ZNF91: variants seen among roughly 807,000 people sequenced by gnomAD.
The protein encoded by ZNF91 is zinc finger protein 91 (HPF7, HTF10).
ZNF91 carries 7 observed loss-of-function variants against 12.6 expected under a neutral mutation model. The observed-to-expected ratio is 0.55, with a 90% CI of 0.31 to 1.04. ZNF91 has a LOEUF of 1.04. Ranked by LOEUF, ZNF91 falls within the 50% of genes least tolerant of loss-of-function variation. The probability of loss-of-function intolerance (pLI) is 0.05; values close to 1 mark genes in which losing one functional copy is unlikely to be tolerated. For missense variants in ZNF91, 1,217 were observed against 1,385.4 expected (o/e 0.88, Z 1.93); for synonymous variants, 453 against 462.6 (o/e 0.98, Z 0.27).
At chr19:23,335,893 C>A (rs1477531658), downstream of ZNF91, among the ~76,000 whole-genome samples, 1 of 152,190 alleles carries the variant, frequency 6.6e-6, no homozygotes, top group Non-Finnish European at 1.5e-5. Context: ...CACCTGTCTT[C>A]TGCGTCACTC....
chr19:23,354,272 T>C (rs1968434398), downstream of ZNF91, among the ~76,000 whole-genome samples: 1 of 152,074 alleles, frequency 6.6e-6, no homozygotes, highest in Non-Finnish European at 1.5e-5. Context: ...TCCACCATGA[T>C]CAAGCTGATT....
chr19:23,306,603 T>C (rs915506041), intron 3 of ZNF91, among the ~76,000 whole-genome samples: 7 of 152,170 alleles, frequency 4.6e-5, no homozygotes, highest in Admixed American at 6.5e-5. Flanking sequence ...CATTGTGACA[T>C]GTTGCTTGGT....
chr19:23,317,816 A>C (rs1012991259), intron 1 of ZNF91, among the ~76,000 whole-genome samples: 2 of 152,214 alleles, frequency 1.3e-5, no homozygotes, highest in African/African-American at 4.8e-5. Flanking sequence ...GCACAGACCT[A>C]GTCCACCATT....
In ZNF91 at chr19:23,374,873, G is replaced by C. The variant is rs1207694350; in HGVS notation, c.31-109C>G. The C allele has an allele frequency of 2.6e-6, 4 of 1,509,982 alleles. No homozygotes were observed. In the African/African-American group the frequency reaches 5.6e-5, roughly 21 times the overall value. 93.5% of individuals were successfully genotyped at this position (1,509,982 alleles called of 1,614,324 possible). ...GACTAGAACTGGTTCTGACTTATAA[G>C]AGTGGCTGAAATTATCCAATAAAAT... On this transcript the variant is annotated intron_variant, in intron 1 of 3. Coordinates refer to ENST00000300619, the MANE Select transcript of ZNF91 (RefSeq NM_003430.4).
intron 1 of ZNF91, among the ~76,000 whole-genome samples, chr19:23,394,513 C>T (rs1233757437): frequency 2.6e-5 from 4 of 151,990 alleles, no homozygotes; most frequent in Non-Finnish European, 5.9e-5. Context: ...GGTGGATCAC[C>T]TAAGGTCAGG....
At chr19:23,330,450 G>A (rs149725811) in intron 1 of ZNF91, among the ~76,000 whole-genome samples, 21 of 152,284 alleles carry the variant, frequency 1.4e-4, no homozygotes, top group East Asian at 5.8e-4. Flanking sequence ...CACCAGAATC[G>A]GAGGTGAGCC....
At position 23,358,866 on chromosome 19, in the gene ZNF91, G is replaced by A. The variant is rs6511433; in HGVS notation, c.*537C>T. ...CGTTGGCACATCTTTCAGGTTTGTA[G>A]AGTTTCTCTCCAGTATGAATAATAT... On this transcript the variant is annotated 3_prime_UTR_variant, in exon 4 of 4. Transcript: ENST00000300619. The A allele has an allele frequency of 0.18, 31,263 of 173,902 alleles. 3,111 individuals carry two copies. The highest frequency in any genetic ancestry group is 0.21 in the African/African-American group (8,732 of 41,762). The allele number at this position is 173,902 out of a possible 1,614,324, so 10.8% of individuals were successfully genotyped here.
intron 1 of ZNF91, among the ~76,000 whole-genome samples, chr19:23,315,917 T>C (rs1473321505): frequency 6.6e-6 from 1 of 152,170 alleles, no homozygotes; most frequent in Non-Finnish European, 1.5e-5. Flanking sequence ...ATTGTGTGTA[T>C]CCCTGGATGC....
intron 1 of ZNF91, among the ~76,000 whole-genome samples, chr19:23,381,750 G>A (rs1969724075): frequency 6.6e-6 from 1 of 151,976 alleles, no homozygotes; most frequent in Non-Finnish European, 1.5e-5. Context: ...ATGAGCCACC[G>A]CGCCCAGCCA....
chr19:23,394,654 G>A (rs1366514221), intron 1 of ZNF91, among the ~76,000 whole-genome samples: 2 of 152,054 alleles, frequency 1.3e-5, no homozygotes, highest in Admixed American at 1.3e-4. Flanking sequence ...CTTGAACCCG[G>A]AAGGCAGAGG....
intron 1 of ZNF91, among the ~76,000 whole-genome samples, chr19:23,392,506 A>G (rs2145146113): frequency 6.6e-6 from 1 of 152,182 alleles, no homozygotes; most frequent in South Asian, 2.1e-4. Context: ...AAATACCAGG[A>G]TATAGAACCA....
intron 1 of ZNF91, chr19:23,385,230 G>A (rs1969836023): frequency 5.1e-6 from 3 of 585,738 alleles, no homozygotes; most frequent in Non-Finnish European, 9.3e-6. Flanking sequence ...TCCTCCCCCT[G>A]CAGCTTGATA....
intron 3 of ZNF91, among the ~76,000 whole-genome samples, chr19:23,345,433 A>G (rs1037549003): frequency 2.0e-5 from 3 of 152,138 alleles, no homozygotes; most frequent in African/African-American, 7.2e-5. Flanking sequence ...TGGACTTTAC[A>G]ATTTTAACTG....
chr19:23,384,624 C>A, intron 1 of ZNF91: 3 of 804,200 alleles, frequency 3.7e-6, no homozygotes, highest in South Asian at 2.9e-5. Context: ...TATCATCAGT[C>A]CCCCTCTTGG....
At chr19:23,324,455 T>G (rs952957782) in intron 1 of ZNF91, 13 of 151,996 alleles carry the variant, frequency 8.6e-5, no homozygotes, top group African/African-American at 2.9e-4. Flanking sequence ...TAGAAAGAAC[T>G]GATGTGCATT....
intron 3 of ZNF91, among the ~76,000 whole-genome samples, chr19:23,343,292 A>G (rs139947076): frequency 3.3e-4 from 50 of 152,320 alleles, no homozygotes; most frequent in African/African-American, 1.2e-3. Flanking sequence ...TTCCAATTCA[A>G]GAGATCTGAG....
intron 1 of ZNF91, among the ~76,000 whole-genome samples, chr19:23,381,296 G>A (rs1257016052): frequency 1.3e-5 from 2 of 151,968 alleles, no homozygotes; most frequent in African/African-American, 4.8e-5. Context: ...TAAATATTGT[G>A]GCTTTATATT....
chr19:23,390,099 C>G (rs1234086226), intron 1 of ZNF91, among the ~76,000 whole-genome samples: 1 of 152,150 alleles, frequency 6.6e-6, no homozygotes, highest in Non-Finnish European at 1.5e-5. Context: ...GGCGAATCAC[C>G]TGAGATCAGG....
intron 3 of ZNF91, among the ~76,000 whole-genome samples, chr19:23,364,180 G>GT (rs1206731620): frequency 5.3e-5 from 8 of 152,194 alleles, no homozygotes; most frequent in African/African-American, 1.9e-4. Context: ...TCAGCCAGGT[G>GT]TGGTGACACA....
Sources: allele counts gnomAD v4.1 joint callset (sites outside exome capture counted in the v4.1 genomes callset), GRCh38; gene constraint gnomAD v4.1.1; transcripts MANE v1.5; gene names NCBI Gene and HGNC (gene_info 2026-07-23, HGNC 2026-07-21).